Variants in GTF2I observed in about 807,000 individuals in gnomAD.
The protein encoded by GTF2I is general transcription factor IIi.
In GTF2I, 12 loss-of-function variants were observed where a neutral mutation model predicts 67.6. The ratio of observed to expected loss-of-function variants is 0.18; its 90% confidence interval spans 0.11 to 0.29. The LOEUF (loss-of-function observed/expected upper bound fraction) is 0.29, where lower values mean the gene tolerates loss of function less well. GTF2I is among the 10% of genes least tolerant of loss of function. The pLI, the probability that GTF2I is intolerant of heterozygous loss-of-function variation, is 1.00. For synonymous variants in GTF2I, 149 were observed against 197.0 expected (o/e 0.76, Z 2.04); for missense variants, 271 against 580.1 (o/e 0.47, Z 5.47).
intron 1 of GTF2I, among the ~76,000 whole-genome samples, chr7:74,680,586 C>T (rs1282137020): frequency 6.6e-6 from 1 of 151,844 alleles, no homozygotes. Context: ...ACTAAAAATA[C>T]AAAAAATTAG....
At chr7:74,730,827 C>T (rs1794414753) in intron 14 of GTF2I, among the ~76,000 whole-genome samples, 1 of 130,114 alleles carries the variant, frequency 7.7e-6, no homozygotes, top group African/African-American at 2.9e-5. Flanking sequence ...CTGGCTCAGT[C>T]TCCCAAGCAG....
At chr7:74,725,157 T>C (rs1361524865) in intron 12 of GTF2I, among the ~76,000 whole-genome samples, 5 of 152,098 alleles carry the variant, frequency 3.3e-5, no homozygotes, top group African/African-American at 1.2e-4. Flanking sequence ...AAAAGTAATT[T>C]TGATCCTTTG....
At chr7:74,680,254 T>C (rs894483252) in intron 1 of GTF2I, among the ~76,000 whole-genome samples, 3 of 150,104 alleles carry the variant, frequency 2.0e-5, no homozygotes, top group Non-Finnish European at 4.4e-5. Context: ...GTAATTTAAA[T>C]AAAAGAGTGT....
chr7:74,678,533 C>T (rs1372056920), intron 1 of GTF2I, among the ~76,000 whole-genome samples: 2 of 151,892 alleles, frequency 1.3e-5, no homozygotes, highest in African/African-American at 4.8e-5. Flanking sequence ...GAAATTTGTG[C>T]AGAAGAAAAT....
chr7:74,686,510 G>A (rs1350675701), intron 1 of GTF2I, among the ~76,000 whole-genome samples: 4 of 152,112 alleles, frequency 2.6e-5, no homozygotes, highest in African/African-American at 9.7e-5. Flanking sequence ...GTTTTCTTTC[G>A]CTGGGGAATT....
At chr7:74,690,265 T>C (rs1194751226) in intron 2 of GTF2I, among the ~76,000 whole-genome samples, 1 of 152,108 alleles carries the variant, frequency 6.6e-6, no homozygotes. Context: ...CAGGTTGTTA[T>C]GGTGGTATTA....
Position 74,726,929 on chromosome 7 carries a change from TA to T in GTF2I, c.944-1856del, listed in dbSNP as rs1793887264. On this transcript the variant is annotated intron_variant, in intron 12 of 34. Coordinates refer to ENST00000573035, the MANE Select transcript of GTF2I (RefSeq NM_032999.4). Reference sequence around the variant, plus strand: ...ATAGATAGATAGATAGATAGATAGATAGATAGATAGATAGAAAGAATGAGAC... The same window carrying T: ...ATAGATAGATAGATAGATAGATAGATGATAGATAGATAGAAAGAATGAGAC... The T allele has an allele frequency of 8.6e-5, 13 of 151,002 alleles. No individual in the cohort carries two copies. The South Asian group carries it at 2.8e-3, about 32-fold the overall frequency. 9.4% of individuals were successfully genotyped at this position (151,002 alleles called of 1,614,324 possible).
At chr7:74,659,066 G>GCTCA (rs1804228072) in intron 1 of GTF2I, among the ~76,000 whole-genome samples, 1 of 151,390 alleles carries the variant, frequency 6.6e-6, no homozygotes, top group Non-Finnish European at 1.5e-5. Flanking sequence ...CGCAGCTCTT[G>GCTCA]CTGACTACTG....
Position 74,700,419 on chromosome 7 carries a change from C to A in GTF2I, c.546C>A (p.Phe182Leu), listed in dbSNP as rs1249824042. The change falls in exon 5 of 35, where the codon TTC becomes TTA. Residue 182 changes from phenylalanine to leucine, a missense_variant. Physicochemically the swap from Phe to Leu is conservative, Grantham distance 22. Transcript: ENST00000573035. ...WILENKAGIS[F>L]IIKRPFLEPK... ...TGGAGAACAAAGCAGGGATTTCATT[C>A]ATCATTAAGAGGTGAAGTGCTTTCT... 6.2e-7 allele frequency: 1 copy of A among 1,613,958 alleles called. No homozygotes were observed. Among genetic ancestry groups the A allele is most frequent in the African/African-American group, 1.3e-5 (1 of 74,892 alleles).
intron 1 of GTF2I, among the ~76,000 whole-genome samples, chr7:74,668,136 C>T (rs1488726603): frequency 6.7e-6 from 1 of 149,640 alleles, no homozygotes; most frequent in African/African-American, 2.5e-5. Flanking sequence ...CCAGTCTTAA[C>T]CATTTTTAAG....
chr7:74,697,813 G>C (rs1319744308), intron 3 of GTF2I, among the ~76,000 whole-genome samples: 1 of 151,994 alleles, frequency 6.6e-6, no homozygotes, highest in Non-Finnish European at 1.5e-5. Flanking sequence ...TCTGTCGCCA[G>C]GCTGGAGTGC....
chr7:74,689,347 ACT>A, intron 2 of GTF2I, 120 bp downstream of exon 2: 9 of 298,130 alleles, frequency 3.0e-5, no homozygotes, highest in South Asian at 2.4e-4. Flanking sequence ...CTTTTTCTTT[ACT>A]TTTTTTTTTT....
intron 1 of GTF2I, among the ~76,000 whole-genome samples, chr7:74,686,990 A>G (rs1285212227): frequency 2.0e-5 from 3 of 151,748 alleles, no homozygotes; most frequent in South Asian, 4.2e-4. Flanking sequence ...ACTGGATTCA[A>G]TTGATTCTCG....
At chr7:74,714,981 A>G in intron 10 of GTF2I, 65 bp downstream of exon 10, 2 of 952,238 alleles carry the variant, frequency 2.1e-6, no homozygotes, top group Non-Finnish European at 3.2e-6. Context: ...TATATTGCAC[A>G]GACTGTGTTT....
At chr7:74,687,875 TAA>T (rs1413683301) in intron 1 of GTF2I, among the ~76,000 whole-genome samples, 5 of 152,186 alleles carry the variant, frequency 3.3e-5, no homozygotes, top group Non-Finnish European at 7.3e-5. Context: ...CTTTCCATAT[TAA>T]GTTTATTTAA....
chr7:74,680,802 T>C (rs144247403), intron 1 of GTF2I, among the ~76,000 whole-genome samples: 6 of 152,098 alleles, frequency 3.9e-5, no homozygotes, highest in African/African-American at 1.4e-4. Context: ...AATCAGATAA[T>C]TAAAGCAGAA....
At chr7:74,704,855 T>TAAA (rs35715710) in intron 6 of GTF2I, among the ~76,000 whole-genome samples, 52 of 76,978 alleles carry the variant, frequency 6.8e-4, no homozygotes, top group Non-Finnish European at 1.0e-3. Flanking sequence ...ACCCTGTTTC[T>TAAA]AAAAAAAAAA....
chr7:74,697,079 A>G (rs1204324275), intron 3 of GTF2I, among the ~76,000 whole-genome samples: 1 of 152,166 alleles, frequency 6.6e-6, no homozygotes, highest in Non-Finnish European at 1.5e-5. Flanking sequence ...TATATCTAAA[A>G]TATTTCAACA....
rs1455460480 is a variant in GTF2I, at chr7:74,713,267, A to C, written c.764-1590A>C. Among the ~76,000 whole-genome samples, 3 of 152,222 alleles carry C rather than the reference A, an allele frequency of 2.0e-5. No homozygotes were observed. In the East Asian group the frequency reaches 5.8e-4, roughly 29 times the overall value. Reference sequence around the variant, plus strand: ...TCGTATTTAAAGGAATTGGTCACTAAGTTGATATAACAACCATTAGTTTGT... The same window carrying C: ...TCGTATTTAAAGGAATTGGTCACTACGTTGATATAACAACCATTAGTTTGT... On this transcript the variant is annotated intron_variant, in intron 9 of 34. Coordinates refer to ENST00000573035, the MANE Select transcript of GTF2I (RefSeq NM_032999.4).
Sources: allele counts gnomAD v4.1 joint callset (sites outside exome capture counted in the v4.1 genomes callset), GRCh38; gene constraint gnomAD v4.1.1; transcripts MANE v1.5; gene names NCBI Gene and HGNC (gene_info 2026-07-23, HGNC 2026-07-21).